ZNF880: variants seen among roughly 807,000 people sequenced by gnomAD.
ZNF880 encodes zinc finger protein 880, also known as zinc finger protein LOC400713.
ZNF880 carries 12 observed loss-of-function variants against 11.8 expected under a neutral mutation model. The observed-to-expected ratio is 1.02, with a 90% CI of 0.65 to 1.65. ZNF880 has a LOEUF of 1.65. ZNF880 is among the 40% of genes most tolerant of loss of function. The pLI is 0.00. For synonymous variants in ZNF880, 210 were observed against 232.4 expected (o/e 0.90, Z 0.88); for missense variants, 601 against 673.9 (o/e 0.89, Z 1.20).
intron 3 of ZNF880, among the ~76,000 whole-genome samples, chr19:52,382,631 C>T (rs1986738161): frequency 6.6e-6 from 1 of 152,164 alleles, no homozygotes; most frequent in Non-Finnish European, 1.5e-5. Flanking sequence ...TGCAAAGTTT[C>T]TGTTGAAAAA....
chr19:52,370,008 G>A (rs1249851958), intron 1 of ZNF880, 31 bp downstream of exon 1: 3 of 1,551,444 alleles, frequency 1.9e-6, no homozygotes, highest in African/African-American at 2.7e-5. Context: ...ATTAAATCTG[G>A]GATGCTGAGT....
chr19:52,375,352 A>G (rs1986522000), intron 3 of ZNF880, among the ~76,000 whole-genome samples: 1 of 149,636 alleles, frequency 6.7e-6, no homozygotes, highest in South Asian at 2.1e-4. Context: ...AAGCCTGGCT[A>G]ATTTTTTTTT....
chr19:52,373,180 C>T lies in ZNF880; in HGVS notation c.82C>T (p.Gln28Ter), dbSNP rs1048309053. The change falls in exon 2 of 4, where the codon CAG becomes TAG. Residue 28 changes from glutamine (Q) to a stop codon, truncating the protein, a stop_gained. Coordinates refer to ENST00000422689, the MANE Select transcript of ZNF880 (RefSeq NM_001145434.2). LOFTEE classifies it high-confidence loss of function. ...QEEWKCLDPAQRTLYREVMVE... is the reference protein window; with the variant it reads ...QEEWKCLDPA Reference sequence around the variant, plus strand: ...GGAGTGGAAATGTCTGGACCCTGCTCAGAGGACTTTATACAGGGAAGTGAT... The same window carrying T: ...GGAGTGGAAATGTCTGGACCCTGCTTAGAGGACTTTATACAGGGAAGTGAT... 6.2e-7 allele frequency: 1 copy of T among 1,613,406 alleles called. No homozygotes were observed. Among genetic ancestry groups the T allele is most frequent in the African/African-American group, 1.3e-5 (1 of 75,016 alleles).
downstream of ZNF880, among the ~76,000 whole-genome samples, chr19:52,387,565 C>T (rs753467110): frequency 6.4e-5 from 9 of 141,114 alleles, no homozygotes; most frequent in Non-Finnish European, 1.4e-4. Context: ...TCTCCTGCTT[C>T]AGCTTCCCTA....
chr19:52,367,393 G>A (rs1482500511), upstream of ZNF880: 1 of 152,242 alleles, frequency 6.6e-6, no homozygotes, highest in Admixed American at 6.5e-5. Context: ...CCAAAGTGCT[G>A]GGATTATAGG....
the ZNF880 span, among the ~76,000 whole-genome samples, chr19:52,392,447 T>C: frequency 2.6e-5 from 4 of 152,218 alleles, no homozygotes; most frequent in East Asian, 7.7e-4. Flanking sequence ...ATTACAGGCG[T>C]CCACCACCAA....
At chr19:52,388,281 A>ATTTTTTTTTTTTT (rs1298446341), downstream of ZNF880, among the ~76,000 whole-genome samples, 3 of 38,892 alleles carry the variant, frequency 7.7e-5, no homozygotes, top group African/African-American at 1.8e-4. Flanking sequence ...GGCAATTTGA[A>ATTTTTTTTTTTTT]CTTTTTTTTT....
At chr19:52,369,886 C>T (rs1405356454), upstream of ZNF880, 1 of 1,538,442 alleles carries the variant, frequency 6.5e-7, no homozygotes, top group Non-Finnish European at 8.8e-7. Flanking sequence ...CAATCCCACC[C>T]GGGCCTGGCC....
upstream of ZNF880, chr19:52,369,775 A>G (rs1986299008): frequency 3.1e-6 from 2 of 640,666 alleles, no homozygotes; most frequent in Non-Finnish European, 5.5e-6. Flanking sequence ...CCGGGACACA[A>G]TCTATTTCCA....
chr19:52,374,266 G>GA (rs776380199), intron 2 of ZNF880, 33 bp from the exon 3 acceptor site: 45 of 1,587,252 alleles, frequency 2.8e-5, no homozygotes, highest in Admixed American at 3.5e-5. Flanking sequence ...TGTTAGCCAG[G>GA]ATAGTCTTGA....
At chr19:52,381,042 C>A (rs1986693177) in intron 3 of ZNF880, among the ~76,000 whole-genome samples, 1 of 152,140 alleles carries the variant, frequency 6.6e-6, no homozygotes, top group African/African-American at 2.4e-5. Context: ...ATATTGAAAT[C>A]AACTATAATA....
At chr19:52,383,745 C>A in intron 3 of ZNF880, 104 bp from the exon 4 acceptor site, 1 of 1,204,726 alleles carries the variant, frequency 8.3e-7, no homozygotes, top group Non-Finnish European at 1.2e-6. Context: ...TGCTGATATT[C>A]CTTCCCATGT....
chr19:52,392,964 G>C, the ZNF880 span, among the ~76,000 whole-genome samples: 1 of 152,064 alleles, frequency 6.6e-6, no homozygotes, highest in Non-Finnish European at 1.5e-5. Flanking sequence ...TGGGATTACA[G>C]GTGTGAGCCA....
At chr19:52,372,004 CAT>C (rs1195080600) in intron 1 of ZNF880, among the ~76,000 whole-genome samples, 1 of 151,758 alleles carries the variant, frequency 6.6e-6, no homozygotes, top group South Asian at 2.1e-4. Flanking sequence ...GCCTGACCAA[CAT>C]AGTGAAAACC....
chr19:52,393,128 A>C, the ZNF880 span, among the ~76,000 whole-genome samples: 4 of 150,342 alleles, frequency 2.7e-5, no homozygotes, highest in African/African-American at 9.8e-5. Context: ...GCTGGAGTAC[A>C]GTGGCGCAAT....
chr19:52,376,494 CCG>C (rs538351467), intron 3 of ZNF880, among the ~76,000 whole-genome samples: 1 of 28,776 alleles, frequency 3.5e-5, no homozygotes, highest in Non-Finnish European at 6.9e-5. Context: ...GTCCTTAGCA[CCG>C]CCCCCCCCCC....
rs766819458 is a variant in ZNF880 at position 52,384,272 on chromosome 19, A to G, written c.692A>G (p.Gln231Arg). 3.1e-6 allele frequency: 5 copies of G among 1,613,684 alleles called. No individual in the cohort carries two copies. The East Asian group carries it at 6.7e-5, about 22-fold the overall frequency. ...AACAGTTCAAACCTTGTACAACATC[A>G]AAGAATTCATACTGGAGAGAAGCCT... ...FSNSSNLVQHQRIHTGEKPYK... is the reference protein window; with the variant it reads ...FSNSSNLVQHRRIHTGEKPYK... The change falls in exon 4 of 4, where the codon CAA becomes CGA. Residue 231 changes from glutamine to arginine, a missense_variant. Around this residue, in one of 3 missense-constraint regions of ZNF880, gnomAD observed 420 missense variants for 442.6 expected, o/e 0.95. Coordinates refer to ENST00000422689, the MANE Select transcript of ZNF880 (RefSeq NM_001145434.2).
intron 1 of ZNF880, among the ~76,000 whole-genome samples, chr19:52,372,224 T>C (rs538509596): frequency 6.6e-6 from 1 of 151,728 alleles, no homozygotes; most frequent in African/African-American, 2.4e-5. Context: ...GACGCTTCTA[T>C]AGAAATAACT....
rs966874515 is a variant in ZNF880 at position 52,370,111 on chromosome 19, T to C, written c.12+134T>C. On this transcript the variant is annotated intron_variant, in intron 1 of 3. Transcript: ENST00000422689. ...CCACCCCGACTAAACTCAGACGTTC[T>C]AATGAGAGTCTGGCGGTCGCTTCCC... 6 of 1,194,796 alleles carry C rather than the reference T, an allele frequency of 5.0e-6. No individual in the cohort carries two copies. The South Asian group carries it at 7.8e-5, about 16-fold the overall frequency. 74.0% of individuals were successfully genotyped at this position (1,194,796 alleles called of 1,614,324 possible).
Sources: allele counts gnomAD v4.1 joint callset (sites outside exome capture counted in the v4.1 genomes callset), GRCh38; gene constraint gnomAD v4.1.1; regional missense constraint gnomAD v4.1.1; transcripts MANE v1.5; gene names NCBI Gene and HGNC (gene_info 2026-07-23, HGNC 2026-07-21).